The following PALD1 variants were observed in gnomAD, a reference collection of about 807,000 sequenced individuals.
The protein encoded by PALD1 is phosphatase domain containing paladin 1.
PALD1 carries 57 observed loss-of-function variants against 96.0 expected under a neutral mutation model. The observed-to-expected ratio is 0.59, with a 90% CI of 0.48 to 0.74. The LOEUF (loss-of-function observed/expected upper bound fraction) is 0.74. Ranked by LOEUF, PALD1 falls within the 30% of genes least tolerant of loss-of-function variation. The pLI, the probability that PALD1 is intolerant of heterozygous loss-of-function variation, is 0.00. For missense variants in PALD1, 1,063 were observed against 1,143.7 expected, an observed-to-expected ratio of 0.93 and a Z score of 1.02; for synonymous variants, 464 against 473.6, an observed-to-expected ratio of 0.98 and a Z score of 0.26.
At chr10:70,520,020 C>T (rs1298336658) in intron 1 of PALD1, among the ~76,000 whole-genome samples, 2 of 152,098 alleles carry the variant, frequency 1.3e-5, no homozygotes, top group African/African-American at 2.4e-5. Flanking sequence ...GCCTCAGCAG[C>T]GATAGGGTCT....
chr10:70,539,465 G>A lies in PALD1; in HGVS notation c.1726-115G>A, dbSNP rs190121417. ...GCTGTGACCCCTGAGGCTTGGGGGGGTCAGGGATGGGACTGGAAGCCAGGG... is the reference window on the plus strand; with the variant it reads ...GCTGTGACCCCTGAGGCTTGGGGGGATCAGGGATGGGACTGGAAGCCAGGG... On this transcript the variant is annotated intron_variant, in intron 14 of 19. Coordinates refer to ENST00000263563, the MANE Select transcript of PALD1 (RefSeq NM_014431.3). The surrounding 1 kb of genome is among the most constrained non-coding windows in gnomAD (Gnocchi z 4.5). The A allele has an allele frequency of 3.4e-4, 376 of 1,104,580 alleles. 3 individuals are homozygous for A. In the African/African-American group the frequency reaches 5.1e-3, roughly 15 times the overall value. The allele number at this position is 1,104,580 out of a possible 1,614,324, so 68.4% of individuals were successfully genotyped here.
intron 1 of PALD1, among the ~76,000 whole-genome samples, chr10:70,502,768 C>G (rs1846322972): frequency 6.6e-6 from 1 of 152,188 alleles, no homozygotes; most frequent in African/African-American, 2.4e-5. Context: ...AGGAGAGAGC[C>G]CGTCCCCAGT....
intron 18 of PALD1, among the ~76,000 whole-genome samples, chr10:70,550,573 A>G (rs1847460484): frequency 6.6e-6 from 1 of 152,216 alleles, no homozygotes; most frequent in Non-Finnish European, 1.5e-5. Flanking sequence ...CCAGCACCAC[A>G]TCAAGTTTAG....
chr10:70,533,042 A>T lies in PALD1; in HGVS notation c.842A>T (p.Gln281Leu), dbSNP rs760917787. Residue 281 changes from glutamine (Q) to leucine (L), a missense_variant, in exon 7 of 20, where the codon CAG becomes CTG. Physicochemically the swap from Gln to Leu is moderately radical, Grantham distance 113 (BLOSUM62 -2). Transcript: ENST00000263563. ...GAGCAAGGGAGTCCCCTGGAGGCCC[A>T]GTTGGACGCCTTTGTCAGTGTTCTC... ...LPEQGSPLEA[Q>L]LDAFVSVLRE... 4.4e-6 allele frequency: 7 copies of T among 1,585,446 alleles called. No homozygotes were observed. The highest frequency in any genetic ancestry group is 5.1e-6 in the Non-Finnish European group (6 of 1,165,308).
intron 1 of PALD1, among the ~76,000 whole-genome samples, chr10:70,517,018 T>C (rs552991977): frequency 6.6e-6 from 1 of 152,122 alleles, no homozygotes; most frequent in Non-Finnish European, 1.5e-5. Flanking sequence ...CAGAGGCCAA[T>C]GGGCCAGTGT....
At chr10:70,501,813 C>CTG (rs71012209) in intron 1 of PALD1, among the ~76,000 whole-genome samples, 14,573 of 139,202 alleles carry the variant, frequency 0.1, 1,051 homozygotes, top group African/African-American at 0.22. Flanking sequence ...CATTTTTACT[C>CTG]TGTGTGTGTG....
chr10:70,528,179 A>G (rs2043076741), intron 2 of PALD1, among the ~76,000 whole-genome samples: 1 of 152,208 alleles, frequency 6.6e-6, no homozygotes, highest in African/African-American at 2.4e-5. Context: ...AAGAGGACCT[A>G]ACATCAGATC....
chr10:70,530,139 CT>C, intron 4 of PALD1, 71 bp downstream of exon 4: 1 of 1,314,146 alleles, frequency 7.6e-7, no homozygotes. Context: ...GGAGGGGCAG[CT>C]TTAGAGGCGC....
chr10:70,466,734 A>G, the PALD1 span, among the ~76,000 whole-genome samples: 7 of 152,136 alleles, frequency 4.6e-5, no homozygotes, highest in Non-Finnish European at 8.8e-5. Context: ...GAGAAGCGTG[A>G]GGGAAGTTGT....
Position 70,534,828 on chromosome 10 carries a change from G to A in PALD1, c.1212G>A (p.Pro404=), listed in dbSNP as rs570636561. 1.6e-5 allele frequency: 26 copies of A among 1,609,730 alleles called. No individual in the cohort carries two copies. The Admixed American group carries it at 1.7e-4, about 10-fold the overall frequency. The part of the protein sequence containing the change: ...ENQKKLEGIR[P]ESPAQGSGSR... Reference sequence around the variant, plus strand: ...AGAAGAAGTTAGAAGGTATCCGACCGGAGAGCCCAGCCCAGGTGAGGCATG... The same window carrying A: ...AGAAGAAGTTAGAAGGTATCCGACCAGAGAGCCCAGCCCAGGTGAGGCATG... The change falls in exon 10 of 20, where the codon CCG becomes CCA. Residue 404 remains proline (P), a synonymous_variant. Coordinates refer to ENST00000263563, the MANE Select transcript of PALD1 (RefSeq NM_014431.3).
At chr10:70,468,820 T>G in the PALD1 span, among the ~76,000 whole-genome samples, 1 of 150,546 alleles carries the variant, frequency 6.6e-6, no homozygotes, top group Admixed American at 6.6e-5. Flanking sequence ...CACGGCAACC[T>G]CCGCCCCCCA....
chr10:70,539,312 C>A lies in PALD1; in HGVS notation c.1725+65C>A. ...CTTCTGGGGAGTGGCCTGGGAGGGT[C>A]TTCAGAAGGCCTCACACTCCCGCAG... is the stretch of plus-strand genomic sequence containing the variant. On this transcript the variant is annotated intron_variant, in intron 14 of 19. Coordinates refer to ENST00000263563, the MANE Select transcript of PALD1 (RefSeq NM_014431.3). This position sits in a 1 kb window ranked among gnomAD's most constrained non-coding sequence, Gnocchi z 4.5. 6.8e-7 allele frequency: 1 copy of A among 1,470,038 alleles called. No homozygotes were observed. 91.1% of individuals were successfully genotyped at this position (1,470,038 alleles called of 1,614,324 possible). A position where few individuals can be genotyped will look rare whatever the true frequency, so the allele number is the denominator to read the frequency against.
chr10:70,464,211 G>GTT, the PALD1 span, among the ~76,000 whole-genome samples: 1 of 53,764 alleles, frequency 1.9e-5, no homozygotes, highest in Non-Finnish European at 4.0e-5. Context: ...TTTGTATCTG[G>GTT]CTTTTTTTTT....
intron 1 of PALD1, among the ~76,000 whole-genome samples, chr10:70,502,230 C>A (rs1846313505): frequency 6.6e-6 from 1 of 152,140 alleles, no homozygotes; most frequent in African/African-American, 2.4e-5. Flanking sequence ...ACTAGTTTTG[C>A]CTGTTTTTGA....
intron 18 of PALD1, 63 bp downstream of exon 18, chr10:70,547,509 G>A: frequency 1.8e-6 from 2 of 1,122,074 alleles, no homozygotes; most frequent in South Asian, 1.5e-5. Flanking sequence ...TGCACAGCCA[G>A]GGAGTGGCTG....
chr10:70,458,531 G>A, the PALD1 span, among the ~76,000 whole-genome samples: 2 of 152,224 alleles, frequency 1.3e-5, no homozygotes, highest in Non-Finnish European at 2.9e-5. Flanking sequence ...AGAGCAGACG[G>A]GCTGCGGAGC....
intron 1 of PALD1, among the ~76,000 whole-genome samples, chr10:70,520,280 G>T (rs1184732833): frequency 6.6e-6 from 1 of 150,430 alleles, no homozygotes; most frequent in Non-Finnish European, 1.5e-5. Flanking sequence ...GGGAGGTTGT[G>T]GCTGCTGCAC....
Position 70,531,360 on chromosome 10 carries a change from A to G in PALD1, c.539A>G (p.Tyr180Cys), listed in dbSNP as rs772627616. 5.6e-6 allele frequency: 9 copies of G among 1,613,862 alleles called. No individual in the cohort carries two copies. The South Asian group carries it at 8.8e-5, about 16-fold the overall frequency. Residue 180 changes from tyrosine to cysteine, a missense_variant, in exon 5 of 20, where the codon TAC becomes TGC. Tyr to Cys is a radical substitution (Grantham distance 194). Transcript: ENST00000263563. ...CGTGCAGATGAGGACTTTGTGTCCT[A>G]CACACCTCGAGACAAGCAGAACCTT... is the stretch of plus-strand genomic sequence containing the variant. ...FLRADEDFVSYTPRDKQNLHE... is the reference protein window; with the variant it reads ...FLRADEDFVSCTPRDKQNLHE...
At position 70,541,485 on chromosome 10, in the gene PALD1, A is replaced by G; in HGVS notation, c.2072A>G (p.Glu691Gly). Residue 691 changes from glutamate (E) to glycine (G), a missense_variant, in exon 17 of 20, where the codon GAG becomes GGG. Coordinates refer to ENST00000263563, the MANE Select transcript of PALD1 (RefSeq NM_014431.3). ...CAGGGCTTCCCCGAGGTGGGTGAGG[A>G]GGAGCTCGTGAGTGTGCCTGATGCC... ...HIQGFPEVGE[E>G]ELVSVPDAKF... is the part of the protein sequence containing the mutation. 1 of 1,613,788 alleles carries G rather than the reference A, an allele frequency of 6.2e-7. No homozygotes were observed. Among genetic ancestry groups the G allele is most frequent in the Non-Finnish European group, 8.5e-7 (1 of 1,179,892 alleles).
Sources: allele counts gnomAD v4.1 joint callset (sites outside exome capture counted in the v4.1 genomes callset), GRCh38; gene constraint gnomAD v4.1.1; non-coding constraint Gnocchi (gnomAD v3.1); transcripts MANE v1.5; gene names NCBI Gene and HGNC (gene_info 2026-07-23, HGNC 2026-07-21).